Variants in MAF observed in about 807,000 individuals in gnomAD.
MAF encodes transcription factor Maf.
A neutral mutation model predicts 22.0 loss-of-function variants in MAF; 10 were observed. The observed-to-expected ratio is 0.45, with a 90% CI of 0.28 to 0.77. The LOEUF (loss-of-function observed/expected upper bound fraction) is 0.77, where lower values mean the gene tolerates loss of function less well. Ranked by LOEUF, MAF falls within the 30% of genes least tolerant of loss-of-function variation. MAF has a pLI of 0.12. For missense variants in MAF, 544 were observed against 548.4 expected (o/e 0.99, Z 0.08); for synonymous variants, 337 against 255.8 (o/e 1.32, Z -3.03).
the MAF span, among the ~76,000 whole-genome samples, chr16:79,224,971 C>G: frequency 1.3e-5 from 2 of 152,182 alleles, no homozygotes; most frequent in Non-Finnish European, 2.9e-5. Flanking sequence ...CTATCCCCAT[C>G]AAGCTACCAC....
chr16:79,538,488 A>C, the MAF span, among the ~76,000 whole-genome samples: 1 of 152,250 alleles, frequency 6.6e-6, no homozygotes, highest in Admixed American at 6.5e-5. Flanking sequence ...ACTGATGCTT[A>C]TGGAATCTTT....
the MAF span, among the ~76,000 whole-genome samples, chr16:79,271,521 G>GT: frequency 6.6e-6 from 1 of 152,296 alleles, no homozygotes; most frequent in South Asian, 2.1e-4. Context: ...TCTGTCCTCT[G>GT]TAAGTATGCA....
the MAF span, among the ~76,000 whole-genome samples, chr16:79,211,402 G>A: frequency 7.9e-5 from 12 of 152,192 alleles, no homozygotes; most frequent in East Asian, 3.9e-4. Flanking sequence ...CTTTACAAGC[G>A]GAGTTTATGA....
the MAF span, among the ~76,000 whole-genome samples, chr16:79,515,194 A>C: frequency 6.6e-6 from 1 of 152,192 alleles, no homozygotes; most frequent in African/African-American, 2.4e-5. Flanking sequence ...CGCCATTGTC[A>C]TTGTCATCCA....
chr16:79,315,613 T>C, the MAF span, among the ~76,000 whole-genome samples: 2 of 152,218 alleles, frequency 1.3e-5, no homozygotes, highest in African/African-American at 4.8e-5. Flanking sequence ...TTCCTAATAC[T>C]GAGTGATGAA....
chr16:79,495,274 C>T, the MAF span, among the ~76,000 whole-genome samples: 1 of 152,074 alleles, frequency 6.6e-6, no homozygotes, highest in South Asian at 2.1e-4. Context: ...CCAGCCTAGA[C>T]AACATAGTGA....
intron 1 of MAF, among the ~76,000 whole-genome samples, chr16:79,587,041 T>C (rs987570300): frequency 1.6e-4 from 25 of 152,208 alleles, no homozygotes; most frequent in African/African-American, 5.8e-4. Flanking sequence ...ACAGAACATA[T>C]AATCTTTCTT....
In MAF at chr16:79,600,034, G is replaced by T; in HGVS notation, c.-132C>A. The T allele has an allele frequency of 2.3e-6, 3 of 1,323,132 alleles. No individual in the cohort carries two copies. The East Asian group carries it at 7.4e-5, about 33-fold the overall frequency. The allele number at this position is 1,323,132 out of a possible 1,614,324, so 82.0% of individuals were successfully genotyped here. On this transcript the variant is annotated 5_prime_UTR_variant, in exon 1 of 2. Coordinates refer to ENST00000326043, the MANE Select transcript of MAF (RefSeq NM_005360.5). ...TGGGGCGCTTCTAGCTTGCGCGGCG[G>T]TGGCTGGCCCGAAACCTCCGAGCGC... is the stretch of plus-strand genomic sequence containing the variant.
chr16:79,405,281 T>A, the MAF span, among the ~76,000 whole-genome samples: 3 of 151,922 alleles, frequency 2.0e-5, no homozygotes, highest in Admixed American at 6.6e-5. Context: ...GAGCAAGAGG[T>A]TCTGGGCACC....
the MAF span, among the ~76,000 whole-genome samples, chr16:79,344,842 C>G: frequency 1.3e-5 from 2 of 152,070 alleles, no homozygotes; most frequent in African/African-American, 2.4e-5. Flanking sequence ...ACATAAGGAC[C>G]GATTTGAAAT....
the MAF span, among the ~76,000 whole-genome samples, chr16:79,507,150 C>T: frequency 1.9e-4 from 26 of 137,870 alleles, no homozygotes; most frequent in African/African-American, 6.7e-4. Flanking sequence ...GTTTTACTCT[C>T]TCGCCCAGGC....
the MAF span, among the ~76,000 whole-genome samples, chr16:79,380,174 C>T: frequency 6.6e-6 from 1 of 152,264 alleles, no homozygotes; most frequent in Middle Eastern, 3.4e-3. Flanking sequence ...ATCCCAGTTT[C>T]CTATTGGCTA....
the MAF span, among the ~76,000 whole-genome samples, chr16:79,479,287 A>G: frequency 6.6e-6 from 1 of 152,208 alleles, no homozygotes; most frequent in Non-Finnish European, 1.5e-5. Flanking sequence ...ATCCTGTTGT[A>G]CCATCATGGC....
the MAF span, among the ~76,000 whole-genome samples, chr16:79,304,141 G>A: frequency 6.6e-6 from 1 of 152,206 alleles, no homozygotes; most frequent in Admixed American, 6.5e-5. Flanking sequence ...ATATTTCTGT[G>A]TTTACCTGAC....
the MAF span, among the ~76,000 whole-genome samples, chr16:79,580,023 C>T: frequency 3.9e-4 from 59 of 152,130 alleles, no homozygotes; most frequent in South Asian, 1.0e-3. Context: ...CAAAATAGGA[C>T]GAAAACAAAT....
the MAF span, among the ~76,000 whole-genome samples, chr16:79,565,800 G>T: frequency 6.6e-6 from 1 of 152,168 alleles, no homozygotes. Flanking sequence ...AACTTAGCAG[G>T]CTCAGGGATG....
At chr16:79,499,093 C>T in the MAF span, among the ~76,000 whole-genome samples, 1 of 152,208 alleles carries the variant, frequency 6.6e-6, no homozygotes, top group Non-Finnish European at 1.5e-5. Flanking sequence ...AGAAGTATTT[C>T]ACAGGCCTAC....
chr16:79,373,609 T>G, the MAF span, among the ~76,000 whole-genome samples: 2 of 151,876 alleles, frequency 1.3e-5, no homozygotes, highest in Non-Finnish European at 2.9e-5. Context: ...TCTCAAACTC[T>G]TGACCTGACC....
chr16:79,274,815 A>T, the MAF span, among the ~76,000 whole-genome samples: 1 of 152,178 alleles, frequency 6.6e-6, no homozygotes, highest in Non-Finnish European at 1.5e-5. Context: ...GAGGGGCTTC[A>T]TTTTGATTGA....
Sources: gnomAD v4.1 joint callset for allele counts (sites outside exome capture counted in the v4.1 genomes callset) on GRCh38, gnomAD v4.1.1 for gene constraint, MANE v1.5 for transcripts, NCBI Gene and HGNC (gene_info 2026-07-23, HGNC 2026-07-21) for gene names.